The following HSD17B3 variants were observed in gnomAD, a reference collection of about 807,000 sequenced individuals.
The protein encoded by HSD17B3 is 17-beta-hydroxysteroid dehydrogenase type 3.
HSD17B3 carries 29 observed loss-of-function variants against 41.1 expected under a neutral mutation model. The observed-to-expected ratio is 0.71, with a 90% CI of 0.53 to 0.96. HSD17B3 has a LOEUF of 0.96. Ranked by LOEUF, HSD17B3 falls within the 40% of genes least tolerant of loss-of-function variation. HSD17B3 has a pLI of 0.00. For missense variants in HSD17B3, 323 were observed against 374.6 expected (o/e 0.86, Z 1.14); for synonymous variants, 126 against 145.6 (o/e 0.87, Z 0.97).
intron 8 of HSD17B3, among the ~76,000 whole-genome samples, chr9:96,244,955 G>A (rs972311120): frequency 1.3e-5 from 2 of 152,098 alleles, no homozygotes; most frequent in Non-Finnish European, 2.9e-5. Flanking sequence ...TAGGGCCCCT[G>A]CATAGATTAA....
chr9:96,269,796 C>T (rs182486533), intron 2 of HSD17B3, among the ~76,000 whole-genome samples: 2 of 150,826 alleles, frequency 1.3e-5, no homozygotes, highest in East Asian at 4.0e-4. Flanking sequence ...CCCAGCTATT[C>T]GGGAAGCTGA....
chr9:96,296,025 G>A lies in HSD17B3; in HGVS notation c.201+2391C>T, dbSNP rs541099313. On this transcript the variant is annotated intron_variant, in intron 2 of 10. Coordinates refer to ENST00000375263, the MANE Select transcript of HSD17B3 (RefSeq NM_000197.2). ...GTACTTTGGGAGGCCGAGGCAGGCAGATCACTTGAGCCCAGGAGTTCAAGA... is the reference window on the plus strand; with the variant it reads ...GTACTTTGGGAGGCCGAGGCAGGCAAATCACTTGAGCCCAGGAGTTCAAGA... Among the ~76,000 whole-genome samples, 16 of 152,242 alleles carry A rather than the reference G, an allele frequency of 1.1e-4. No homozygotes were observed. In the East Asian group the frequency reaches 3.1e-3, roughly 30 times the overall value.
chr9:96,284,241 G>T (rs939086875), intron 2 of HSD17B3, among the ~76,000 whole-genome samples: 5 of 92,010 alleles, frequency 5.4e-5, no homozygotes, highest in African/African-American at 1.1e-4. Context: ...AAAAAAAAAA[G>T]ACTAAAGTAA....
intron 3 of HSD17B3, 58 bp from the exon 4 acceptor site, chr9:96,252,968 T>G: frequency 9.3e-7 from 1 of 1,075,238 alleles, no homozygotes. Context: ...CCCTCGCCCA[T>G]GAAGTTTCCC....
intron 9 of HSD17B3, among the ~76,000 whole-genome samples, chr9:96,243,584 A>T (rs538601549): frequency 6.6e-5 from 10 of 152,188 alleles, no homozygotes; most frequent in Admixed American, 4.6e-4. Context: ...GTATATCGTA[A>T]AACTTCTTCC....
intron 2 of HSD17B3, among the ~76,000 whole-genome samples, chr9:96,283,498 G>C (rs1042571638): frequency 6.6e-6 from 1 of 152,094 alleles, no homozygotes; most frequent in African/African-American, 2.4e-5. Context: ...GGCTTATTTG[G>C]TATAAAAATC....
chr9:96,296,385 C>T (rs1358892567), intron 2 of HSD17B3, among the ~76,000 whole-genome samples: 2 of 152,350 alleles, frequency 1.3e-5, no homozygotes, highest in South Asian at 2.1e-4. Context: ...GCTGGCACCT[C>T]GCTCTTGGAC....
intron 2 of HSD17B3, among the ~76,000 whole-genome samples, chr9:96,276,294 A>G (rs1479137914): frequency 6.6e-6 from 1 of 152,164 alleles, no homozygotes; most frequent in Non-Finnish European, 1.5e-5. Flanking sequence ...GGATTAGAAG[A>G]TAGAAGAATT....
chr9:96,250,685 G>A (rs1027655478), intron 5 of HSD17B3, among the ~76,000 whole-genome samples: 4 of 152,176 alleles, frequency 2.6e-5, no homozygotes, highest in South Asian at 2.1e-4. Flanking sequence ...TCAGGCGTTC[G>A]AGACCAGCCT....
At chr9:96,275,719 C>A (rs1190358841) in intron 2 of HSD17B3, among the ~76,000 whole-genome samples, 1 of 151,688 alleles carries the variant, frequency 6.6e-6, no homozygotes, top group Non-Finnish European at 1.5e-5. Flanking sequence ...AAGCCTCAAG[C>A]TAATCACAAT....
intron 6 of HSD17B3, among the ~76,000 whole-genome samples, chr9:96,248,605 C>T (rs1353851947): frequency 6.6e-6 from 1 of 152,190 alleles, no homozygotes; most frequent in Non-Finnish European, 1.5e-5. Flanking sequence ...ATGTTGTGTA[C>T]TGAGCAAGGT....
At chr9:96,248,906 C>CT (rs1224840192) in intron 6 of HSD17B3, among the ~76,000 whole-genome samples, 2 of 145,882 alleles carry the variant, frequency 1.4e-5, no homozygotes, top group South Asian at 2.1e-4. Flanking sequence ...GATCCACAGC[C>CT]ATTTTTTTTT....
rs1403230272 is a variant in HSD17B3 at position 96,302,075 on chromosome 9, G to A, written c.30C>T (p.Ile10=). 6.2e-7 allele frequency: 1 copy of A among 1,614,126 alleles called. No individual in the cohort carries two copies. Among genetic ancestry groups the A allele is most frequent in the South Asian group, 1.1e-5 (1 of 91,078 alleles). Residue 10 remains isoleucine, a synonymous_variant, in exon 1 of 11, where the codon ATC becomes ATT. Coordinates refer to ENST00000375263, the MANE Select transcript of HSD17B3 (RefSeq NM_000197.2). The part of the protein sequence containing the change: MGDVLEQFF[I]LTGLLVCLAC... The stretch of plus-strand genomic sequence containing the variant: ...CCAGGCACACCAGCAGCCCTGTGAG[G>A]ATGAAGAACTGTTCCAGGACGTCCC...
chr9:96,301,433 C>G (rs989046627), intron 1 of HSD17B3, among the ~76,000 whole-genome samples: 1 of 130,828 alleles, frequency 7.6e-6, no homozygotes, highest in Non-Finnish European at 1.7e-5. Flanking sequence ...AAAACGTTGG[C>G]TGGGTGCGGT....
intron 2 of HSD17B3, among the ~76,000 whole-genome samples, chr9:96,289,954 C>G (rs991880871): frequency 1.1e-4 from 16 of 152,072 alleles, no homozygotes; most frequent in African/African-American, 3.9e-4. Flanking sequence ...ATGTTGGGGC[C>G]TGGGTCAAGG....
chr9:96,287,635 G>A (rs896013662), intron 2 of HSD17B3, among the ~76,000 whole-genome samples: 6 of 152,018 alleles, frequency 3.9e-5, no homozygotes, highest in Admixed American at 6.6e-5. Context: ...ACTTGAACCC[G>A]GGAGGCAGAG....
chr9:96,273,756 AC>A (rs994533942), intron 2 of HSD17B3, among the ~76,000 whole-genome samples: 3 of 152,048 alleles, frequency 2.0e-5, no homozygotes, highest in Non-Finnish European at 4.4e-5. Context: ...CACTACCAAG[AC>A]CCCACAATCT....
rs573455482 is a variant in HSD17B3, at chr9:96,269,086, G to A, written c.202-14143C>T. Among the ~76,000 whole-genome samples the A allele has an allele frequency of 1.8e-4, 28 of 152,312 alleles. No individual in the cohort carries two copies. In the South Asian group the frequency reaches 5.8e-3, roughly 32 times the overall value. ...TAGAGTGCACTTACACACACCTAGA[G>A]GGTGTAGCCTGCTACATAACTAGAC... On this transcript the variant is annotated intron_variant, in intron 2 of 10. Transcript: ENST00000375263.
At chr9:96,263,093 G>T (rs180793791) in intron 2 of HSD17B3, among the ~76,000 whole-genome samples, 1 of 152,306 alleles carries the variant, frequency 6.6e-6, no homozygotes, top group East Asian at 1.9e-4. Flanking sequence ...CGTACAAGAG[G>T]CATTCATTCT....
Sources: gnomAD v4.1 joint callset for allele counts (sites outside exome capture counted in the v4.1 genomes callset) on GRCh38, gnomAD v4.1.1 for gene constraint, MANE v1.5 for transcripts, NCBI Gene and HGNC (gene_info 2026-07-23, HGNC 2026-07-21) for gene names.